CRHR1: variants seen among roughly 807,000 people sequenced by gnomAD.
CRHR1 encodes corticotropin releasing hormone receptor 1, also known as corticotropin-releasing hormone receptor 1.
A neutral mutation model predicts 56.0 loss-of-function variants in CRHR1; 28 were observed. The observed-to-expected ratio is 0.50, with a 90% CI of 0.37 to 0.69. CRHR1 has a LOEUF of 0.69. Ranked by LOEUF, CRHR1 falls within the 30% of genes least tolerant of loss-of-function variation. CRHR1 has a pLI of 0.00. For synonymous variants in CRHR1, 195 were observed against 216.5 expected (o/e 0.90, Z 0.87); for missense variants, 376 against 548.0 (o/e 0.69, Z 3.13).
chr17:45,829,777 G>A (rs62057158), intron 5 of CRHR1: 174,352 of 990,794 alleles, frequency 0.18, 18,376 homozygotes, highest in Non-Finnish European at 0.22. Context: ...TGTCCATCCT[G>A]GAATGGCAGG....
intron 4 of CRHR1, 151 bp from the exon 5 acceptor site, chr17:45,829,064 C>A: frequency 1.6e-6 from 1 of 639,054 alleles, no homozygotes; most frequent in Non-Finnish European, 2.8e-6. Context: ...CGTTGCTCTG[C>A]AGCGAGGCCT....
rs554217776 is a variant in CRHR1 at position 45,817,781 on chromosome 17, C to T, written c.241+1199C>T. On this transcript the variant is annotated intron_variant, in intron 3 of 12. Coordinates refer to ENST00000314537, the MANE Select transcript of CRHR1 (RefSeq NM_004382.5). ...CCATGTCCTGGCCATGGGAGGGACT[C>T]GGGAGAGGGAGAAGACACACTGGGA... Among the ~76,000 whole-genome samples the T allele has an allele frequency of 4.1e-4, 62 of 151,686 alleles. 1 individual carries two copies. In the South Asian group the frequency reaches 0.011, roughly 27 times the overall value.
At chr17:45,792,578 A>C (rs1032948103) in intron 1 of CRHR1, among the ~76,000 whole-genome samples, 6 of 152,232 alleles carry the variant, frequency 3.9e-5, no homozygotes, top group African/African-American at 1.4e-4. Context: ...TCTGCCCCCA[A>C]GTCTTTCTGT....
In CRHR1 at chr17:45,833,977, G is replaced by C. The variant is rs537913958; in HGVS notation, c.1066-30G>C. On this transcript the variant is annotated intron_variant, in intron 11 of 12. Transcript: ENST00000314537. ...GGCTGGGTGGGCAACACCTGCAGCC[G>C]ACCTTTGACGCCTCCTCTCTCCTCC... 7 of 1,613,824 alleles carry C rather than the reference G, an allele frequency of 4.3e-6. No individual in the cohort carries two copies. In the South Asian group the frequency reaches 7.7e-5, roughly 18 times the overall value.
chr17:45,833,041 C>G (rs1179789823), intron 8 of CRHR1, 97 bp from the exon 9 acceptor site: 2 of 1,106,908 alleles, frequency 1.8e-6, no homozygotes, highest in Admixed American at 3.5e-5. Flanking sequence ...CTCTTGGCCT[C>G]CAGCCCCAGT....
At chr17:45,823,447 C>T (rs998663236) in intron 4 of CRHR1, among the ~76,000 whole-genome samples, 13 of 127,328 alleles carry the variant, frequency 1.0e-4, no homozygotes, top group African/African-American at 4.0e-4. Flanking sequence ...CTTCCTCTGT[C>T]GCCAGGCTGG....
rs556761185 is a variant in CRHR1 at position 45,808,211 on chromosome 17, C to G, written c.121+1114C>G. On this transcript the variant is annotated intron_variant, in intron 2 of 12. Transcript: ENST00000314537. ...GTGCGATGAGGCAGAGTGGAAGACG[C>G]ATGCTTGCAAAGAAACAGACGCAAG... is the stretch of plus-strand genomic sequence containing the variant. 1.4e-4 allele frequency among the ~76,000 whole-genome samples: 22 copies of G among 152,372 alleles called. No individual in the cohort carries two copies. The South Asian group carries it at 4.6e-3, about 32-fold the overall frequency.
chr17:45,825,358 GCACCCTCTCCTCCCCC>G (rs1450698427), intron 4 of CRHR1: 1 of 154,358 alleles, frequency 6.5e-6, no homozygotes, highest in East Asian at 1.9e-4. Flanking sequence ...GCCTGTATCA[GCACCCTCTCCTCCCCC>G]CACCACCTCC....
At chr17:45,816,416 C>T in intron 2 of CRHR1, 47 bp from the exon 3 acceptor site, 2 of 1,609,918 alleles carry the variant, frequency 1.2e-6, no homozygotes, top group Non-Finnish European at 1.7e-6. Flanking sequence ...TGCCTGGGGC[C>T]TTGGCCGGAT....
chr17:45,790,570 G>A (rs757179949), intron 1 of CRHR1, among the ~76,000 whole-genome samples: 9 of 152,228 alleles, frequency 5.9e-5, no homozygotes, highest in Admixed American at 2.0e-4. Flanking sequence ...CAGGCAATTT[G>A]TCCATCTCAC....
intron 2 of CRHR1, among the ~76,000 whole-genome samples, chr17:45,815,328 T>A (rs998961993): frequency 3.3e-5 from 5 of 152,220 alleles, no homozygotes; most frequent in African/African-American, 1.2e-4. Flanking sequence ...GTGCCAGGAC[T>A]GTGCCAGCCC....
At position 45,818,415 on chromosome 17, in the gene CRHR1, C is replaced by T. The variant is rs561424725; in HGVS notation, c.241+1833C>T. Among the ~76,000 whole-genome samples the T allele has an allele frequency of 5.9e-5, 9 of 152,378 alleles. 1 individual carries two copies. The South Asian group carries it at 1.9e-3, about 32-fold the overall frequency. Reference sequence around the variant, plus strand: ...TGGGCACACACTTCACTTGCTGGCCCTGCCTGAAGTGGCAGTCAGGAGTCC... The same window carrying T: ...TGGGCACACACTTCACTTGCTGGCCTTGCCTGAAGTGGCAGTCAGGAGTCC... On this transcript the variant is annotated intron_variant, in intron 3 of 12. Transcript: ENST00000314537.
Position 45,807,081 on chromosome 17 carries a change from G to A in CRHR1, c.105G>A (p.Leu35=). 1 of 1,614,044 alleles carries A rather than the reference G, an allele frequency of 6.2e-7. No individual in the cohort carries two copies. Residue 35 remains leucine, a synonymous_variant, in exon 2 of 13, where the codon CTG becomes CTA. Coordinates refer to ENST00000314537, the MANE Select transcript of CRHR1 (RefSeq NM_004382.5). ...LQDQHCESLS[L]ASNISGLQCN... is the part of the protein sequence containing the mutation. ...ACCAGCACTGCGAGAGCCTGTCCCT[G>A]GCCAGCAACATCTCAGGTGAGTCCC...
intron 5 of CRHR1, 157 bp downstream of exon 5, chr17:45,829,478 T>C: frequency 1.4e-6 from 2 of 1,404,062 alleles, no homozygotes; most frequent in Middle Eastern, 1.8e-4. Flanking sequence ...TGGGAACCTC[T>C]GGCAGAGCCG....
intron 2 of CRHR1, among the ~76,000 whole-genome samples, chr17:45,814,365 G>T (rs756708682): frequency 6.6e-6 from 1 of 152,124 alleles, no homozygotes; most frequent in Non-Finnish European, 1.5e-5. Context: ...CTCACCCCCT[G>T]TGACTGACTC....
chr17:45,833,444 A>C lies in CRHR1; in HGVS notation c.844-8A>C. Reference sequence around the variant, plus strand: ...ACACTCCGGCCCGCTGGTGTGCTCAAATTGCAGATCAATTTCATCTTCCTT... The same window carrying C: ...ACACTCCGGCCCGCTGGTGTGCTCACATTGCAGATCAATTTCATCTTCCTT... On this transcript the variant is annotated splice_region_variant and splice_polypyrimidine_tract_variant and intron_variant, in intron 9 of 12. Coordinates refer to ENST00000314537, the MANE Select transcript of CRHR1 (RefSeq NM_004382.5). The C allele has an allele frequency of 6.2e-7, 1 of 1,613,920 alleles. No individual in the cohort carries two copies. The highest frequency in any genetic ancestry group is 8.5e-7 in the Non-Finnish European group (1 of 1,179,966).
In CRHR1 at chr17:45,784,677, G is replaced by C; in HGVS notation, c.33+100G>C. 1 of 1,262,724 alleles carries C rather than the reference G, an allele frequency of 7.9e-7. No individual in the cohort carries two copies. Among genetic ancestry groups the C allele is most frequent in the Non-Finnish European group, 1.1e-6 (1 of 950,198 alleles). 78.2% of individuals were successfully genotyped at this position (1,262,724 alleles called of 1,614,324 possible). A position where few individuals can be genotyped will look rare whatever the true frequency, so the allele number is the denominator to read the frequency against. ...GGGTGTGATGGGGGCGGGGGCGCTG[G>C]GAGAGCCGTGCTTAGGTCGGGGAAG... On this transcript the variant is annotated intron_variant, in intron 1 of 12. Transcript: ENST00000314537. This position sits in a 1 kb window ranked among gnomAD's most constrained non-coding sequence, Gnocchi z 4.2.
intron 2 of CRHR1, 51 bp downstream of exon 2, chr17:45,807,148 C>T: frequency 6.5e-7 from 1 of 1,527,580 alleles, no homozygotes; most frequent in Non-Finnish European, 9.1e-7. Flanking sequence ...CACAATGCCC[C>T]CTACCCCAGG....
At chr17:45,814,707 C>T (rs761943301) in intron 2 of CRHR1, among the ~76,000 whole-genome samples, 5 of 152,168 alleles carry the variant, frequency 3.3e-5, no homozygotes, top group Non-Finnish European at 5.9e-5. Flanking sequence ...CAGCCTGGTA[C>T]GCCGTTGCCT....
Sources: allele counts gnomAD v4.1 joint callset (sites outside exome capture counted in the v4.1 genomes callset), GRCh38; gene constraint gnomAD v4.1.1; non-coding constraint Gnocchi (gnomAD v3.1); transcripts MANE v1.5; gene names NCBI Gene and HGNC (gene_info 2026-07-23, HGNC 2026-07-21).